KMT2C: variants seen among roughly 807,000 people sequenced by gnomAD.
KMT2C encodes the protein lysine methyltransferase 2C.
Under a neutral mutation model 507.9 loss-of-function variants are expected in KMT2C, and 88 were observed. The observed-to-expected ratio is 0.17, with a 90% CI of 0.15 to 0.21. KMT2C has a LOEUF of 0.21. Ranked by LOEUF, KMT2C falls within the 10% of genes least tolerant of loss-of-function variation. The pLI, the probability that KMT2C is intolerant of heterozygous loss-of-function variation, is 1.00. For missense variants in KMT2C, 4,954 were observed against 5,957.8 expected, an observed-to-expected ratio of 0.83 and a Z score of 5.55; for synonymous variants, 2,049 against 2,080.8, an observed-to-expected ratio of 0.98 and a Z score of 0.42.
At chr7:152,394,677 T>C (rs1432734487) in intron 1 of KMT2C, among the ~76,000 whole-genome samples, 4 of 152,202 alleles carry the variant, frequency 2.6e-5, no homozygotes, top group Non-Finnish European at 5.9e-5. Flanking sequence ...TGTTTGACTG[T>C]CTTCTCCCTT....
intron 16 of KMT2C, among the ~76,000 whole-genome samples, chr7:152,235,580 G>C (rs1391830010): frequency 8.6e-5 from 13 of 150,686 alleles, no homozygotes; most frequent in Non-Finnish European, 1.9e-4. Context: ...TGACTTTTTA[G>C]AGAGGGTTGG....
chr7:152,298,656 AAAC>A (rs1427791102), intron 6 of KMT2C, among the ~76,000 whole-genome samples: 1 of 152,244 alleles, frequency 6.6e-6, no homozygotes, highest in Non-Finnish European at 1.5e-5. Flanking sequence ...TATTCTCCAG[AAAC>A]AAAATGATGT....
In KMT2C at chr7:152,162,608, C is replaced by G. The variant is rs146298908; in HGVS notation, c.10969G>C (p.Asp3657His). Reference protein sequence around the residue: ...STPSELPQQADQESVEPVGPS... With the variant: ...STPSELPQQAHQESVEPVGPS... ...CCGACTGGTTCCACCGACTCTTGGT[C>G]GGCTTGTTGAGGAAGCTCACTGGGT... Residue 3657 changes from aspartate to histidine, a missense_variant, in exon 43 of 59, where the codon GAC becomes CAC. Physicochemically the swap from Asp to His is moderately conservative, Grantham distance 81. Transcript: ENST00000262189. 1 of 1,614,148 alleles carries G rather than the reference C, an allele frequency of 6.2e-7. No homozygotes were observed. Among genetic ancestry groups the G allele is most frequent in the Non-Finnish European group, 8.5e-7 (1 of 1,180,024 alleles).
chr7:152,301,641 C>T (rs376597220), intron 6 of KMT2C, among the ~76,000 whole-genome samples: 11 of 152,158 alleles, frequency 7.2e-5, no homozygotes, highest in South Asian at 4.1e-4. Flanking sequence ...AAGCCATGAT[C>T]GTGCCACTGC....
At chr7:152,371,036 C>CTAAAAACA (rs1407885966) in intron 1 of KMT2C, among the ~76,000 whole-genome samples, 1 of 152,084 alleles carries the variant, frequency 6.6e-6, no homozygotes, top group South Asian at 2.1e-4. Flanking sequence ...CAAAAGAACT[C>CTAAAAACA]TAAAAACATA....
At chr7:152,266,008 G>A (rs988432159) in intron 7 of KMT2C, among the ~76,000 whole-genome samples, 1 of 152,222 alleles carries the variant, frequency 6.6e-6, no homozygotes, top group Non-Finnish European at 1.5e-5. Flanking sequence ...TGCAAAATAA[G>A]GAAAATAATG....
At position 152,181,797 on chromosome 7, in the gene KMT2C, C is replaced by A; in HGVS notation, c.6063G>T (p.Arg2021Ser). ...AGGGTCGTGCATATGAGTCAGGTAT[C>A]CTTTGTCTTTGAAACACATCTGCCC... ...SPRADVFQRQRIPDSYARPLL... is the reference protein window; with the variant it reads ...SPRADVFQRQSIPDSYARPLL... The change falls in exon 36 of 59, where the codon AGG becomes AGT. Residue 2021 changes from arginine to serine, a missense_variant. Physicochemically the swap from Arg to Ser is moderately radical, Grantham distance 110 (BLOSUM62 -1). Coordinates refer to ENST00000262189, the MANE Select transcript of KMT2C (RefSeq NM_170606.3). 6.2e-7 allele frequency: 1 copy of A among 1,614,030 alleles called. No homozygotes were observed. The highest frequency in any genetic ancestry group is 1.1e-5 in the South Asian group (1 of 91,074).
chr7:152,428,459 A>C (rs1463453757), intron 1 of KMT2C, among the ~76,000 whole-genome samples: 1 of 50,028 alleles, frequency 2.0e-5, no homozygotes, highest in Non-Finnish European at 3.8e-5. Context: ...CTAAAAATAC[A>C]AAAAAAAAAA....
chr7:152,421,132 T>C (rs2097775010), intron 1 of KMT2C, among the ~76,000 whole-genome samples: 3 of 151,814 alleles, frequency 2.0e-5, no homozygotes, highest in African/African-American at 7.3e-5. Flanking sequence ...CCAACAAGCA[T>C]ATGAAAAAAT....
chr7:152,310,852 T>A (rs2096665514), intron 5 of KMT2C, among the ~76,000 whole-genome samples: 1 of 151,926 alleles, frequency 6.6e-6, no homozygotes, highest in African/African-American at 2.4e-5. Flanking sequence ...ACTCCGGGAA[T>A]TTTTTTCATT....
At chr7:152,323,812 G>A (rs1193596236) in intron 3 of KMT2C, among the ~76,000 whole-genome samples, 3 of 144,162 alleles carry the variant, frequency 2.1e-5, no homozygotes, top group Non-Finnish European at 4.6e-5. Context: ...AGGGAGGGGA[G>A]GGGAAGGGGA....
intron 14 of KMT2C, among the ~76,000 whole-genome samples, chr7:152,244,311 T>C (rs912361394): frequency 2.6e-5 from 4 of 152,250 alleles, no homozygotes; most frequent in East Asian, 1.9e-4. Context: ...ATCTACCGAG[T>C]TGATTACAAT....
chr7:152,203,334 AAAT>A (rs199559976), intron 25 of KMT2C, among the ~76,000 whole-genome samples: 94 of 151,276 alleles, frequency 6.2e-4, no homozygotes, highest in African/African-American at 1.2e-3. Context: ...TTAAAGAGTA[AAAT>A]AATAATAATA....
chr7:152,153,589 T>C (rs528857926), intron 48 of KMT2C, among the ~76,000 whole-genome samples: 2 of 152,184 alleles, frequency 1.3e-5, no homozygotes, highest in African/African-American at 4.8e-5. Flanking sequence ...GAGATGGACA[T>C]GATGGCTCAC....
intron 1 of KMT2C, among the ~76,000 whole-genome samples, chr7:152,406,120 T>C (rs2026700): frequency 1.1e-4 from 16 of 148,420 alleles, no homozygotes; most frequent in East Asian, 5.9e-4. Flanking sequence ...AGGAAAAATA[T>C]GGCTGACTAA....
rs2129121458 is a variant in KMT2C at position 152,183,012 on chromosome 7, T to C, written c.5227A>G (p.Arg1743Gly). 6.2e-7 allele frequency: 1 copy of C among 1,606,764 alleles called. No individual in the cohort carries two copies. The highest frequency in any genetic ancestry group is 8.5e-7 in the Non-Finnish European group (1 of 1,178,046). ...SELFKDPLKQRESEHEQEWKF... is the reference protein window; with the variant it reads ...SELFKDPLKQGESEHEQEWKF... ...CATTCCTGTTCATGTTCTGATTCTC[T>C]TTGCTTTAAAGGATCTTTAAAAAGC... is the stretch of plus-strand genomic sequence containing the variant. The change falls in exon 35 of 59, where the codon AGA becomes GGA. Residue 1743 changes from arginine (R) to glycine (G), a missense_variant. Around this residue, in one of 29 missense-constraint regions of KMT2C, gnomAD observed 58 missense variants for 63.3 expected, o/e 0.92. Coordinates refer to ENST00000262189, the MANE Select transcript of KMT2C (RefSeq NM_170606.3).
chr7:152,161,985 CAA>C, intron 43 of KMT2C, 130 bp downstream of exon 43: 1 of 1,052,992 alleles, frequency 9.5e-7, no homozygotes, highest in East Asian at 2.9e-5. Context: ...GTAGAAATGA[CAA>C]AATAAAAAAT....
In KMT2C at chr7:152,230,261, C is replaced by G. The variant is rs964840249; in HGVS notation, c.2830G>C (p.Val944Leu). 1 of 1,605,974 alleles carries G rather than the reference C, an allele frequency of 6.2e-7. No homozygotes were observed. The highest frequency in any genetic ancestry group is 1.3e-5 in the African/African-American group (1 of 74,742). The change falls in exon 17 of 59, where the codon GTT becomes CTT. Residue 944 changes from valine (V) to leucine (L), a missense_variant. Physicochemically the swap from Val to Leu is conservative, Grantham distance 32. Around this residue, in one of 29 missense-constraint regions of KMT2C, gnomAD observed 62 missense variants for 137.2 expected, o/e 0.45. Transcript: ENST00000262189. Reference sequence around the variant, plus strand: ...TTGTCACTGCTAGAAAACAACACAACTGTATTGTGCATAGAGTTTTCTTCA... The same window carrying G: ...TTGTCACTGCTAGAAAACAACACAAGTGTATTGTGCATAGAGTTTTCTTCA... ...DDEENSMHNT[V>L]VLFSSSDKFT... is the part of the protein sequence containing the mutation.
intron 1 of KMT2C, among the ~76,000 whole-genome samples, chr7:152,400,523 C>T (rs191610999): frequency 2.6e-5 from 4 of 152,202 alleles, no homozygotes; most frequent in East Asian, 1.9e-4. Context: ...ACACAGTATC[C>T]GACTTTTCCT....
Sources: gnomAD v4.1 joint callset for allele counts (sites outside exome capture counted in the v4.1 genomes callset) on GRCh38, gnomAD v4.1.1 for gene constraint, gnomAD v4.1.1 regional missense constraint, MANE v1.5 for transcripts, NCBI Gene and HGNC (gene_info 2026-07-23, HGNC 2026-07-21) for gene names.